The following FMN1 variants were observed in gnomAD, a reference collection of about 807,000 sequenced individuals.
FMN1 encodes the protein formin-1.
FMN1 carries 110 observed loss-of-function variants against 132.4 expected under a neutral mutation model. The ratio of observed to expected loss-of-function variants is 0.83; its 90% CI spans 0.71 to 0.97. The LOEUF is 0.97. FMN1 is among the 50% of genes least tolerant of loss of function. The probability of loss-of-function intolerance (pLI) is 0.00; values close to 1 mark genes in which losing one functional copy is unlikely to be tolerated. For synonymous variants in FMN1, 722 were observed against 651.7 expected (o/e 1.11, Z -1.64); for missense variants, 1,792 against 1,705.3 (o/e 1.05, Z -0.90).
intron 3 of FMN1, among the ~76,000 whole-genome samples, chr15:33,169,697 C>T (rs1308580399): frequency 6.7e-6 from 1 of 148,854 alleles, no homozygotes; most frequent in African/African-American, 2.5e-5. Context: ...GCGCTGGGCC[C>T]GGAGATCCAG....
intron 9 of FMN1, among the ~76,000 whole-genome samples, chr15:32,955,550 C>T (rs964594344): frequency 1.3e-5 from 2 of 152,160 alleles, no homozygotes; most frequent in African/African-American, 4.8e-5. Context: ...CTAGCTCCAA[C>T]CCCGTAACAG....
Position 32,969,314 on chromosome 15 carries a change from G to A in FMN1, c.2387C>T (p.Pro796Leu), listed in dbSNP as rs570964839. ...DVCISTDDDC[P>L]PKTFRNVCVQ... Reference sequence around the variant, plus strand: ...GCACACATTTCTGAAGGTCTTTGGAGGGCAGTCATCATCGGTGGAAATGCA... The same window carrying A: ...GCACACATTTCTGAAGGTCTTTGGAAGGCAGTCATCATCGGTGGAAATGCA... Residue 796 changes from proline (P) to leucine (L), a missense_variant, in exon 8 of 21, where the codon CCT becomes CTT. Physicochemically the swap from Pro to Leu is moderately conservative, Grantham distance 98. Transcript: ENST00000616417. 8.1e-6 allele frequency: 13 copies of A among 1,613,956 alleles called. No individual in the cohort carries two copies. The South Asian group carries it at 1.1e-4, about 14-fold the overall frequency.
At chr15:32,895,922 TTG>T (rs1196046534) in intron 15 of FMN1, among the ~76,000 whole-genome samples, 1 of 152,160 alleles carries the variant, frequency 6.6e-6, no homozygotes, top group Non-Finnish European at 1.5e-5. Flanking sequence ...CTTTTATGGT[TTG>T]TGTCTTAGAC....
At chr15:33,024,029 C>A (rs185609301) in intron 6 of FMN1, among the ~76,000 whole-genome samples, 88 of 151,684 alleles carry the variant, frequency 5.8e-4, no homozygotes, top group African/African-American at 1.9e-3. Flanking sequence ...ATGTTAGCAT[C>A]CAGAATAAAG....
intron 9 of FMN1, among the ~76,000 whole-genome samples, chr15:32,956,724 C>A (rs2061777303): frequency 6.6e-6 from 1 of 152,108 alleles, no homozygotes; most frequent in Non-Finnish European, 1.5e-5. Flanking sequence ...CCTATCACCA[C>A]CCTCATATAA....
In FMN1 at chr15:33,154,026, C is replaced by G; in HGVS notation, c.889G>C (p.Glu297Gln). Residue 297 changes from glutamate to glutamine, a missense_variant, in exon 4 of 21, where the codon GAA becomes CAA. Physicochemically the swap from Glu to Gln is conservative, Grantham distance 29 (BLOSUM62 2). Around this residue, in one of 3 missense-constraint regions of FMN1, gnomAD observed 638 missense variants for 645.2 expected, o/e 0.99. Transcript: ENST00000616417. ...TGCTTCTCAGGGTCCTGGTGACTTT[C>G]AGACAAACCTGTTTGCTGATGCTCC... ...GLEHQQTGLS[E>Q]SHQDPEKHPE... 6.5e-7 allele frequency: 1 copy of G among 1,536,364 alleles called. No individual in the cohort carries two copies. The highest frequency in any genetic ancestry group is 1.2e-5 in the South Asian group (1 of 84,054).
At chr15:32,860,392 C>G (rs960277229) in intron 16 of FMN1, among the ~76,000 whole-genome samples, 1 of 152,094 alleles carries the variant, frequency 6.6e-6, no homozygotes, top group African/African-American at 2.4e-5. Context: ...GTGGCTCGTG[C>G]CTCTAATACC....
chr15:32,945,372 A>G (rs1344584336), intron 9 of FMN1, among the ~76,000 whole-genome samples: 1 of 152,164 alleles, frequency 6.6e-6, no homozygotes, highest in Non-Finnish European at 1.5e-5. Flanking sequence ...TAGAAAGCCA[A>G]TCCCAAGTAT....
intron 7 of FMN1, among the ~76,000 whole-genome samples, chr15:32,990,554 A>C (rs1156400989): frequency 6.6e-6 from 1 of 152,234 alleles, no homozygotes; most frequent in Non-Finnish European, 1.5e-5. Flanking sequence ...GGAAGGTCAA[A>C]GCAACAGTAT....
At chr15:32,946,844 A>G (rs767222909) in intron 9 of FMN1, among the ~76,000 whole-genome samples, 23 of 152,200 alleles carry the variant, frequency 1.5e-4, no homozygotes, top group Non-Finnish European at 3.2e-4. Context: ...AAGTCTGCAT[A>G]TGGAGCAACT....
chr15:32,956,817 A>C (rs1382992893), intron 9 of FMN1, among the ~76,000 whole-genome samples: 3 of 152,208 alleles, frequency 2.0e-5, no homozygotes, highest in Non-Finnish European at 4.4e-5. Context: ...ATAAACTTGG[A>C]AAGCAATAGG....
chr15:33,052,361 G>C (rs2037015435), intron 6 of FMN1, among the ~76,000 whole-genome samples: 2 of 152,136 alleles, frequency 1.3e-5, no homozygotes, highest in African/African-American at 2.4e-5. Flanking sequence ...AGGATAAAAA[G>C]GAACTCGATA....
intron 6 of FMN1, among the ~76,000 whole-genome samples, chr15:33,017,363 T>A (rs931539310): frequency 2.2e-4 from 34 of 152,178 alleles, no homozygotes; most frequent in African/African-American, 8.0e-4. Flanking sequence ...ACCACTCCAA[T>A]GGAGAATGCT....
chr15:33,103,632 T>C (rs978291876), intron 4 of FMN1, among the ~76,000 whole-genome samples: 2 of 152,074 alleles, frequency 1.3e-5, no homozygotes, highest in African/African-American at 4.8e-5. Flanking sequence ...TCATCCTCCC[T>C]TCAAACTAAA....
chr15:33,189,652 T>C (rs1399671712), intron 2 of FMN1, among the ~76,000 whole-genome samples: 4 of 152,196 alleles, frequency 2.6e-5, no homozygotes, highest in Admixed American at 1.3e-4. Flanking sequence ...CCAGATTCCA[T>C]TGAGAGCCGG....
chr15:32,863,438 T>A (rs896438785), intron 16 of FMN1, among the ~76,000 whole-genome samples: 3 of 151,938 alleles, frequency 2.0e-5, no homozygotes, highest in Admixed American at 6.6e-5. Flanking sequence ...CATCTCAAAA[T>A]AAATAAATAA....
intron 7 of FMN1, among the ~76,000 whole-genome samples, chr15:33,006,821 AGAAATCTAAAAAAGTC>A (rs2034442000): frequency 6.6e-6 from 1 of 152,078 alleles, no homozygotes; most frequent in Non-Finnish European, 1.5e-5. Flanking sequence ...CATTTATGTG[AGAAATCTAAAAAAGTC>A]GAACTCGCAG....
intron 5 of FMN1, chr15:33,067,255 T>C: frequency 6.2e-7 from 1 of 1,613,506 alleles, no homozygotes; most frequent in East Asian, 2.2e-5. Context: ...TCATCTCAGG[T>C]GGAATCCTTT....
chr15:32,784,758 G>A (rs10152477), intron 19 of FMN1, among the ~76,000 whole-genome samples: 7,375 of 152,194 alleles, frequency 0.048, 430 homozygotes, highest in East Asian at 0.17. Context: ...ACCAGACTGT[G>A]GAAATAAGTG....
Sources: gnomAD v4.1 joint callset for allele counts (sites outside exome capture counted in the v4.1 genomes callset) on GRCh38, gnomAD v4.1.1 for gene constraint, gnomAD v4.1.1 regional missense constraint, MANE v1.5 for transcripts, NCBI Gene and HGNC (gene_info 2026-07-23, HGNC 2026-07-21) for gene names.